The following AP3B1 variants were observed in gnomAD, a reference collection of about 807,000 sequenced individuals.
AP3B1 encodes the protein AP-3 complex subunit beta-1.
AP3B1 carries 61 observed loss-of-function variants against 132.5 expected under a neutral mutation model. The observed-to-expected ratio is 0.46, with a 90% CI of 0.37 to 0.57. AP3B1 has a LOEUF of 0.57. Among genes scored for constraint, AP3B1 ranks in the 20% least tolerant of loss-of-function variants. The probability of loss-of-function intolerance (pLI) is 0.00; values close to 1 mark genes in which losing one functional copy is unlikely to be tolerated. For missense variants in AP3B1, 1,120 were observed against 1,289.4 expected (o/e 0.87, Z 2.01); for synonymous variants, 388 against 438.3 (o/e 0.89, Z 1.43).
At position 78,174,323 on chromosome 5, in the gene AP3B1, T is replaced by C. The variant is rs1172437268; in HGVS notation, c.1167+1303A>G. Among the ~76,000 whole-genome samples, 6 of 152,354 alleles carry C rather than the reference T, an allele frequency of 3.9e-5. No individual in the cohort carries two copies. The South Asian group carries it at 6.2e-4, about 16-fold the overall frequency. On this transcript the variant is annotated intron_variant, in intron 11 of 26. Coordinates refer to ENST00000255194, the MANE Select transcript of AP3B1 (RefSeq NM_003664.5). ...TGGTTTCTCCCTATCTTTGTGGTTT[T>C]ATACTACCTTTGGTCTTTGATGTTG... is the stretch of plus-strand genomic sequence containing the variant.
chr5:78,211,231 A>T (rs1197325509), intron 7 of AP3B1, among the ~76,000 whole-genome samples: 1 of 152,196 alleles, frequency 6.6e-6, no homozygotes. Flanking sequence ...CTTCTCCCTG[A>T]CAGCCCCATG....
intron 7 of AP3B1, among the ~76,000 whole-genome samples, chr5:78,204,588 C>T (rs1256553573): frequency 6.6e-6 from 1 of 152,198 alleles, no homozygotes; most frequent in African/African-American, 2.4e-5. Flanking sequence ...GGCTTCTTGG[C>T]ATGTCCATTG....
At chr5:78,050,972 C>T (rs562766663) in intron 22 of AP3B1, among the ~76,000 whole-genome samples, 1 of 152,028 alleles carries the variant, frequency 6.6e-6, no homozygotes, top group African/African-American at 2.4e-5. Flanking sequence ...AATCTTTACA[C>T]AGCATATGTT....
chr5:78,085,650 A>T (rs1750211917), intron 22 of AP3B1, among the ~76,000 whole-genome samples: 1 of 152,162 alleles, frequency 6.6e-6, no homozygotes, highest in Non-Finnish European at 1.5e-5. Flanking sequence ...AATTTGTTTT[A>T]AAAAGTTATC....
At chr5:78,173,008 T>C (rs1743987545) in intron 11 of AP3B1, among the ~76,000 whole-genome samples, 1 of 152,212 alleles carries the variant, frequency 6.6e-6, no homozygotes. Context: ...CTGCCTTCAT[T>C]TCGTTATTTA....
intron 24 of AP3B1, among the ~76,000 whole-genome samples, chr5:78,032,342 G>A (rs548824900): frequency 1.3e-5 from 2 of 152,074 alleles, no homozygotes; most frequent in East Asian, 1.9e-4. Context: ...TTTATGTATC[G>A]ATTTGTATAA....
At chr5:78,128,250 A>C in intron 16 of AP3B1, 90 bp from the exon 17 acceptor site, 1 of 1,166,744 alleles carries the variant, frequency 8.6e-7, no homozygotes, top group South Asian at 1.3e-5. Context: ...TAATTGGCAT[A>C]TTACCTCAAA....
At chr5:78,220,382 A>G (rs780622561) in intron 6 of AP3B1, among the ~76,000 whole-genome samples, 10 of 151,930 alleles carry the variant, frequency 6.6e-5, no homozygotes, top group Non-Finnish European at 8.8e-5. Context: ...AGAATCTCTA[A>G]ACCTCAAATT....
At chr5:78,168,348 C>G (rs1743751172) in intron 11 of AP3B1, among the ~76,000 whole-genome samples, 1 of 151,724 alleles carries the variant, frequency 6.6e-6, no homozygotes. Context: ...CTCAGCCTCC[C>G]AAGTAGCTGG....
chr5:78,184,500 C>A (rs1744514060), intron 7 of AP3B1, among the ~76,000 whole-genome samples: 1 of 151,748 alleles, frequency 6.6e-6, no homozygotes, highest in Non-Finnish European at 1.5e-5. Flanking sequence ...TCCTGGCTAA[C>A]ACGGTGAAAC....
chr5:78,233,212 T>G, intron 3 of AP3B1, among the ~76,000 whole-genome samples: 1 of 151,606 alleles, frequency 6.6e-6, no homozygotes. Flanking sequence ...CTGGAGAAGT[T>G]CCTCAGCCTT....
At chr5:78,176,992 T>G (rs932967850) in intron 9 of AP3B1, among the ~76,000 whole-genome samples, 17 of 152,290 alleles carry the variant, frequency 1.1e-4, no homozygotes, top group South Asian at 8.3e-4. Context: ...AGTACTTCAG[T>G]ATAGTTTTTC....
chr5:78,237,670 G>A (rs995047906), intron 3 of AP3B1, among the ~76,000 whole-genome samples: 7 of 151,984 alleles, frequency 4.6e-5, no homozygotes, highest in Non-Finnish European at 8.8e-5. Flanking sequence ...TAAATTAGAT[G>A]GGCATGGTGA....
intron 21 of AP3B1, among the ~76,000 whole-genome samples, chr5:78,097,905 T>C (rs1341037100): frequency 1.3e-5 from 2 of 152,172 alleles, no homozygotes; most frequent in Admixed American, 6.5e-5. Flanking sequence ...GAGGTAGACA[T>C]GGGAGACTTT....
chr5:78,034,443 A>G lies in AP3B1; in HGVS notation c.2812T>C (p.Ser938Pro), dbSNP rs1002296977. The G allele has an allele frequency of 6.2e-6, 10 of 1,605,872 alleles. No homozygotes were observed. Among genetic ancestry groups the G allele is most frequent in the Non-Finnish European group, 8.5e-6 (10 of 1,172,746 alleles). The change falls in exon 24 of 27, where the codon TCT becomes CCT. Residue 938 changes from serine (S) to proline (P), a missense_variant and splice_region_variant. This residue lies in a region of AP3B1 where 906 missense variants were observed against 997.1 expected (regional missense o/e 0.91). Transcript: ENST00000255194. ...GTAATGGATCCCTCAGGCTCAAGAG[A>G]GTCTAGGAAATAAGATAATTTAGAC... ...MKMHVFNPID[S>P]LEPEGSITVS...
At chr5:78,017,292 A>C (rs754842105) in intron 25 of AP3B1, among the ~76,000 whole-genome samples, 5 of 152,054 alleles carry the variant, frequency 3.3e-5, no homozygotes, top group Admixed American at 6.5e-5. Flanking sequence ...GCACACATTC[A>C]ATCTGCCTTC....
chr5:78,278,014 G>T (rs1400788208), intron 1 of AP3B1, among the ~76,000 whole-genome samples: 1 of 152,252 alleles, frequency 6.6e-6, no homozygotes, highest in Non-Finnish European at 1.5e-5. Context: ...TTGCTCAGGA[G>T]ATTAGGAATG....
chr5:78,222,796 A>T (rs974499473), intron 6 of AP3B1, among the ~76,000 whole-genome samples: 1 of 152,144 alleles, frequency 6.6e-6, no homozygotes, highest in Non-Finnish European at 1.5e-5. Flanking sequence ...ATTTTGATTT[A>T]CCATACATTA....
Position 78,045,830 on chromosome 5 carries a change from G to A in AP3B1, c.2578-6556C>T, listed in dbSNP as rs1580277587. Among the ~76,000 whole-genome samples, 2 of 152,316 alleles carry A rather than the reference G, an allele frequency of 1.3e-5. 1 individual carries two copies. Among genetic ancestry groups the A allele is most frequent in the East Asian group, 3.9e-4 (2 of 5,192 alleles). On this transcript the variant is annotated intron_variant, in intron 22 of 26. Transcript: ENST00000255194. The stretch of plus-strand genomic sequence containing the variant: ...TGAAAATGAGGGTTTAAGAAAAAGG[G>A]AAGATTTAATAAGTCTAAACACAAT...
Sources: gnomAD v4.1 joint callset for allele counts (sites outside exome capture counted in the v4.1 genomes callset) on GRCh38, gnomAD v4.1.1 for gene constraint, gnomAD v4.1.1 regional missense constraint, MANE v1.5 for transcripts, NCBI Gene and HGNC (gene_info 2026-07-23, HGNC 2026-07-21) for gene names.